EFHC2: variants seen among roughly 807,000 people sequenced by gnomAD.
The protein encoded by EFHC2 is EF-hand domain-containing family member C2.
Under a neutral mutation model 52.7 loss-of-function variants are expected in EFHC2, and 18 were observed. The ratio of observed to expected loss-of-function variants is 0.34; its 90% CI spans 0.24 to 0.51. EFHC2 has a LOEUF of 0.51. Among genes scored for constraint, EFHC2 ranks in the 20% least tolerant of loss-of-function variants. The pLI is 0.97. For missense variants in EFHC2, 513 were observed against 562.5 expected (o/e 0.91, Z 0.89); for synonymous variants, 203 against 204.1 (o/e 0.99, Z 0.04).
chrX:44,261,252 C>A lies in EFHC2; in HGVS notation c.429G>T (p.Glu143Asp), dbSNP rs1302645760. Reference protein sequence around the residue: ...RHRITLPPPDEDQFYTVYHFN... With the variant: ...RHRITLPPPDDDQFYTVYHFN... The stretch of plus-strand genomic sequence containing the variant: ...AATGATACACAGTATAAAACTGATC[C>A]TCATCAGGAGGCGGAAGAGTAATCC... Residue 143 changes from glutamate to aspartate, a missense_variant, in exon 4 of 15, where the codon GAG becomes GAT. Physicochemically the swap from Glu to Asp is conservative, Grantham distance 45. Coordinates refer to ENST00000420999, the MANE Select transcript of EFHC2 (RefSeq NM_025184.4). The A allele has an allele frequency of 8.3e-7, 1 of 1,204,072 alleles. No homozygotes were observed.
At chrX:44,262,306 G>A in intron 3 of EFHC2, among the ~76,000 whole-genome samples, 1 of 107,957 alleles carries the variant, frequency 9.3e-6, no homozygotes, top group East Asian at 2.9e-4. Context: ...ACCAGCCTGG[G>A]CAACATGGCA....
In EFHC2 at chrX:44,289,860, T is replaced by A. The variant is rs1417238046; in HGVS notation, c.232-17024A>T. On this transcript the variant is annotated intron_variant, in intron 2 of 14. Transcript: ENST00000420999. ...CTACACCCAGCTAATTTTTTGTATT[T>A]TTTGTAGAGATGGGGTTTCACCATG... 2.7e-5 allele frequency among the ~76,000 whole-genome samples: 3 copies of A among 109,335 alleles called. No individual in the cohort carries two copies. The Admixed American group carries it at 2.9e-4, about 11-fold the overall frequency. 94.9% of individuals were successfully genotyped at this position (109,335 alleles called of 115,157 possible).
chrX:44,238,122 T>C (rs2037333730), intron 8 of EFHC2, among the ~76,000 whole-genome samples: 1 of 111,276 alleles, frequency 9.0e-6, no homozygotes, highest in South Asian at 3.9e-4. Flanking sequence ...TCCCTAAACC[T>C]ACCCTATCTC....
chrX:44,231,362 T>G (rs896164310), intron 10 of EFHC2, among the ~76,000 whole-genome samples: 1 of 111,874 alleles, frequency 8.9e-6, no homozygotes, highest in Admixed American at 9.4e-5. Flanking sequence ...ACAGGGGACC[T>G]CTCTGATGGG....
At chrX:44,191,409 G>A (rs977348635) in intron 11 of EFHC2, among the ~76,000 whole-genome samples, 7 of 110,650 alleles carry the variant, frequency 6.3e-5, no homozygotes, top group Admixed American at 3.9e-4. Context: ...CTAATTTTTT[G>A]TATTTTTCGT....
intron 2 of EFHC2, among the ~76,000 whole-genome samples, chrX:44,274,909 T>C (rs764015975): frequency 1.8e-5 from 2 of 110,585 alleles, no homozygotes; most frequent in Non-Finnish European, 3.8e-5. Context: ...TAATTTTTTT[T>C]AAAAAAGGAG....
chrX:44,310,557 G>A, intron 2 of EFHC2: 1 of 350,867 alleles, frequency 2.9e-6, no homozygotes, highest in East Asian at 4.9e-5. Context: ...TCATTTTTAA[G>A]ACAAATGATT....
chrX:44,219,040 C>T (rs1416676093), intron 11 of EFHC2, among the ~76,000 whole-genome samples: 3 of 107,084 alleles, frequency 2.8e-5, no homozygotes, highest in Admixed American at 2.1e-4. Context: ...CTCTATAATA[C>T]GAATGAATCT....
chrX:44,281,675 A>T (rs1569300140), intron 2 of EFHC2, among the ~76,000 whole-genome samples: 1 of 112,657 alleles, frequency 8.9e-6, no homozygotes, highest in Non-Finnish European at 1.9e-5. Context: ...AAAAATTAAG[A>T]TTTAACTACA....
Position 44,317,773 on chromosome X carries a change from G to A in EFHC2, c.43-5017C>T, listed in dbSNP as rs778717392. 2.1e-4 allele frequency among the ~76,000 whole-genome samples: 24 copies of A among 113,365 alleles called. No homozygotes were observed. In the Admixed American group the frequency reaches 2.1e-3, roughly 10 times the overall value. On this transcript the variant is annotated intron_variant, in intron 1 of 14. Transcript: ENST00000420999. ...CGCACCACTGCACTCCAGCCTAAGC[G>A]ACGGAGACCCTGTCTCAAAAATAAA... is the stretch of plus-strand genomic sequence containing the variant.
intron 1 of EFHC2, among the ~76,000 whole-genome samples, chrX:44,338,681 C>CT (rs370515913): frequency 3.8e-5 from 4 of 104,987 alleles, no homozygotes; most frequent in African/African-American, 1.4e-4. Context: ...ATAATACACT[C>CT]TAATTCTTCA....
intron 1 of EFHC2, among the ~76,000 whole-genome samples, chrX:44,323,799 G>A (rs2038036639): frequency 9.0e-6 from 1 of 111,170 alleles, no homozygotes; most frequent in Non-Finnish European, 1.9e-5. Flanking sequence ...AAAAAACAAG[G>A]TCAAAAGAGG....
chrX:44,178,434 A>G lies in EFHC2; in HGVS notation c.1882T>C (p.Phe628Leu). The change falls in exon 12 of 15, where the codon TTC (phenylalanine) becomes CTC (leucine). Residue 628 changes from phenylalanine (F) to leucine (L), a missense_variant. Phe to Leu is a conservative substitution (Grantham distance 22). Coordinates refer to ENST00000420999, the MANE Select transcript of EFHC2 (RefSeq NM_025184.4). ...DFLIALAHEK[F>L]KKNMFENFDT... ...AAATTCTCAAACATATTTTTCTTGA[A>G]CTTTTCGTGGGCCAGTGCGATTAAG... is the stretch of plus-strand genomic sequence containing the variant. 1 of 1,205,288 alleles carries G rather than the reference A, an allele frequency of 8.3e-7. No homozygotes were observed. The highest frequency in any genetic ancestry group is 1.1e-6 in the Non-Finnish European group (1 of 891,894).
chrX:44,283,219 G>A (rs1052431753), intron 2 of EFHC2, among the ~76,000 whole-genome samples: 1 of 110,919 alleles, frequency 9.0e-6, no homozygotes, highest in Admixed American at 9.5e-5. Context: ...GTCTGGCTCT[G>A]TCCCCCAGGC....
At chrX:44,201,936 T>C (rs186214906) in intron 11 of EFHC2, among the ~76,000 whole-genome samples, 35 of 111,571 alleles carry the variant, frequency 3.1e-4, no homozygotes, top group Non-Finnish European at 4.0e-4. Context: ...ATAAGCTAAG[T>C]ACTTAGTAAA....
At chrX:44,318,800 G>A (rs1196607207) in intron 1 of EFHC2, among the ~76,000 whole-genome samples, 1 of 111,034 alleles carries the variant, frequency 9.0e-6, no homozygotes, top group East Asian at 2.8e-4. Flanking sequence ...ACATATTGCT[G>A]CAGATACAGG....
intron 2 of EFHC2, among the ~76,000 whole-genome samples, chrX:44,289,677 C>CTTTTTTTTTTTTTTT (rs1207899077): frequency 8.3e-5 from 6 of 72,284 alleles, no homozygotes; most frequent in East Asian, 4.6e-4. Context: ...TCTTTTCTTT[C>CTTTTTTTTTTTTTTT]TTTTTTTTTT....
chrX:44,243,261 C>G (rs959670192), intron 7 of EFHC2, among the ~76,000 whole-genome samples: 1 of 111,858 alleles, frequency 8.9e-6, no homozygotes, highest in Non-Finnish European at 1.9e-5. Flanking sequence ...TTTCCTAAAA[C>G]AAAACAAAAC....
At chrX:44,271,243 G>A (rs2037615083) in intron 3 of EFHC2, among the ~76,000 whole-genome samples, 2 of 111,443 alleles carry the variant, frequency 1.8e-5, no homozygotes, top group Admixed American at 9.5e-5. Context: ...GATTGTAGGA[G>A]GAGCAAGAAT....
Sources: gnomAD v4.1 joint callset for allele counts (sites outside exome capture counted in the v4.1 genomes callset) on GRCh38, gnomAD v4.1.1 for gene constraint, MANE v1.5 for transcripts, NCBI Gene and HGNC (gene_info 2026-07-23, HGNC 2026-07-21) for gene names.